The following EMID1 variants were observed in gnomAD, a reference collection of about 807,000 sequenced individuals.
EMID1 encodes the protein EMI domain-containing protein 1.
A neutral mutation model predicts 60.6 loss-of-function variants in EMID1; 40 were observed. The ratio of observed to expected loss-of-function variants is 0.66; its 90% CI spans 0.51 to 0.86. EMID1 has a LOEUF of 0.86. Ranked by LOEUF, EMID1 falls within the 40% of genes least tolerant of loss-of-function variation. The pLI, the probability that EMID1 is intolerant of heterozygous loss-of-function variation, is 0.00. For synonymous variants in EMID1, 242 were observed against 231.0 expected (o/e 1.05, Z -0.43); for missense variants, 585 against 597.1 (o/e 0.98, Z 0.21).
At position 29,256,428 on chromosome 22, in the gene EMID1, T is replaced by C. The variant is rs531167417; in HGVS notation, c.1204+2141T>C. ...GCAGTGAGCCGAGACCGCACCACTG[T>C]ACTCCAGCCTGGGTGACAGAGCGAG... is the stretch of plus-strand genomic sequence containing the variant. On this transcript the variant is annotated intron_variant, in intron 14 of 14. Transcript: ENST00000334018. 2.4e-4 allele frequency among the ~76,000 whole-genome samples: 34 copies of C among 141,618 alleles called. 2 individuals are homozygous for C. In the South Asian group the frequency reaches 6.9e-3, roughly 29 times the overall value. 92.9% of individuals were successfully genotyped at this position (141,618 alleles called of 152,430 possible).
chr22:29,244,629 A>C (rs1415335473), intron 13 of EMID1, among the ~76,000 whole-genome samples: 1 of 148,292 alleles, frequency 6.7e-6, no homozygotes, highest in Non-Finnish European at 1.5e-5. Flanking sequence ...ACGGAACGAG[A>C]CTCTGTCTCA....
At chr22:29,250,255 C>T (rs186163061) in intron 13 of EMID1, among the ~76,000 whole-genome samples, 1 of 152,308 alleles carries the variant, frequency 6.6e-6, no homozygotes, top group African/African-American at 2.4e-5. Flanking sequence ...GACCTTGTCT[C>T]AATCAATCAA....
intron 3 of EMID1, among the ~76,000 whole-genome samples, chr22:29,219,018 T>C (rs1313041004): frequency 6.6e-6 from 1 of 152,176 alleles, no homozygotes; most frequent in Non-Finnish European, 1.5e-5. Context: ...TCCTCCGTGC[T>C]GGGCGCTGCA....
At chr22:29,247,527 T>C (rs1000530894) in intron 13 of EMID1, among the ~76,000 whole-genome samples, 13 of 152,260 alleles carry the variant, frequency 8.5e-5, no homozygotes, top group African/African-American at 2.9e-4. Flanking sequence ...AACAGCACGT[T>C]ACTACGCTAA....
intron 3 of EMID1, 71 bp from the exon 4 acceptor site, chr22:29,225,062 C>T: frequency 6.6e-7 from 1 of 1,510,842 alleles, no homozygotes; most frequent in Non-Finnish European, 9.1e-7. Context: ...GCTGGGGCTA[C>T]AGTGGTGGGC....
chr22:29,210,792 C>G lies in EMID1; in HGVS notation c.102-4134C>G, dbSNP rs530334104. Reference sequence around the variant, plus strand: ...TCTGGCCATTGTGGACCATCACAGGCCCACCTCTCCCGGCCTAGTCTGGGG... The same window carrying G: ...TCTGGCCATTGTGGACCATCACAGGGCCACCTCTCCCGGCCTAGTCTGGGG... On this transcript the variant is annotated intron_variant, in intron 1 of 14. Transcript: ENST00000334018. Among the ~76,000 whole-genome samples the G allele has an allele frequency of 5.3e-5, 8 of 152,332 alleles. No individual in the cohort carries two copies. The South Asian group carries it at 1.7e-3, about 32-fold the overall frequency.
chr22:29,219,838 TC>T (rs1474165690), intron 3 of EMID1, among the ~76,000 whole-genome samples: 1 of 152,284 alleles, frequency 6.6e-6, no homozygotes, highest in Middle Eastern at 3.4e-3. Context: ...CCCAGGCCCT[TC>T]CTGTGCTCCT....
At position 29,234,319 on chromosome 22, in the gene EMID1, G is replaced by A. The variant is rs767787973; in HGVS notation, c.1044G>A (p.Glu348=). The A allele has an allele frequency of 1.2e-6, 2 of 1,614,130 alleles. No individual in the cohort carries two copies. Among genetic ancestry groups the A allele is most frequent in the East Asian group, 2.2e-5 (1 of 44,892 alleles). ...CTCTTACACAGGGACTGCGTGGGGA[G>A]CCTGGCCCCCAAGGCTCTGCTGGGC... The part of the protein sequence containing the change: ...GEKGERGLRG[E]PGPQGSAGQR... The change falls in exon 12 of 15, where the codon GAG becomes GAA. Residue 348 remains glutamate (E), a synonymous_variant. Coordinates refer to ENST00000334018, the MANE Select transcript of EMID1 (RefSeq NM_133455.4).
In EMID1 at chr22:29,259,095, C is replaced by A; in HGVS notation, c.*151C>A. On this transcript the variant is annotated 3_prime_UTR_variant, in exon 15 of 15. Transcript: ENST00000334018. ...CCTTAGGGGTAAGCAGGTCTCAGTC[C>A]TGGCACCATGCACATGTCTGAGGCT... 2 of 1,216,240 alleles carry A rather than the reference C, an allele frequency of 1.6e-6. No individual in the cohort carries two copies. Among genetic ancestry groups the A allele is most frequent in the Non-Finnish European group, 2.2e-6 (2 of 889,566 alleles). The allele number at this position is 1,216,240 out of a possible 1,614,324, so 75.3% of individuals were successfully genotyped here.
In EMID1 at chr22:29,209,129, T is replaced by C. The variant is rs150545842; in HGVS notation, c.101+2990T>C. On this transcript the variant is annotated intron_variant, in intron 1 of 14. Transcript: ENST00000334018. ...GCCCCGGGCCCGCTTGGCTGCCTCC[T>C]GCAATTAGCCCCTATCACTGTTCCG... 4.1e-3 allele frequency among the ~76,000 whole-genome samples: 630 copies of C among 152,246 alleles called. 4 individuals carry two copies. Among genetic ancestry groups the C allele is most frequent in the African/African-American group, 0.015 (604 of 41,564 alleles).
At chr22:29,253,785 A>C (rs1220830474) in intron 13 of EMID1, 1 of 369,872 alleles carries the variant, frequency 2.7e-6, no homozygotes, top group Non-Finnish European at 3.7e-6. Flanking sequence ...GAAGTAAATA[A>C]GCATATAGGT....
At chr22:29,243,321 C>G (rs2041218165) in intron 12 of EMID1, 124 bp from the exon 13 acceptor site, 2 of 962,044 alleles carry the variant, frequency 2.1e-6, no homozygotes. Flanking sequence ...GTATCCAATA[C>G]AAGCTACTTT....
intron 3 of EMID1, among the ~76,000 whole-genome samples, chr22:29,222,699 T>C (rs894397702): frequency 9.2e-5 from 14 of 152,204 alleles, no homozygotes; most frequent in African/African-American, 3.4e-4. Flanking sequence ...CCACTGTGCC[T>C]GGCCTATGTT....
intron 5 of EMID1, among the ~76,000 whole-genome samples, chr22:29,230,434 T>C (rs969061877): frequency 3.3e-5 from 5 of 152,094 alleles, no homozygotes; most frequent in Non-Finnish European, 7.3e-5. Context: ...TGGATAACCA[T>C]AGAGAAAAAG....
At chr22:29,212,731 T>C (rs2039937345) in intron 1 of EMID1, among the ~76,000 whole-genome samples, 1 of 151,256 alleles carries the variant, frequency 6.6e-6, no homozygotes, top group South Asian at 2.1e-4. Context: ...ACCCGGCTAA[T>C]TTTTTGTATT....
intron 3 of EMID1, among the ~76,000 whole-genome samples, chr22:29,222,870 T>TC (rs796956110): frequency 4.3e-4 from 66 of 152,202 alleles, no homozygotes; most frequent in African/African-American, 1.5e-3. Flanking sequence ...GGCGGGTGGA[T>TC]CACGAGGTCG....
intron 14 of EMID1, 63 bp downstream of exon 14, chr22:29,254,350 C>A: frequency 6.6e-7 from 1 of 1,506,136 alleles, no homozygotes; most frequent in South Asian, 1.1e-5. Context: ...TCCCCAAGCC[C>A]TCCTGGGGTG....
At chr22:29,244,319 C>T (rs974807076) in intron 13 of EMID1, among the ~76,000 whole-genome samples, 4 of 151,916 alleles carry the variant, frequency 2.6e-5, no homozygotes, top group Non-Finnish European at 5.9e-5. Flanking sequence ...TCCGGGATGC[C>T]GTGGCTCCTA....
intron 3 of EMID1, among the ~76,000 whole-genome samples, 176 bp downstream of exon 3, chr22:29,215,806 C>T (rs1332582285): frequency 5.9e-5 from 9 of 152,130 alleles, no homozygotes; most frequent in East Asian, 1.9e-4. Context: ...CTGCCCCCCA[C>T]GGTGACCGCT....
Sources: allele counts gnomAD v4.1 joint callset (sites outside exome capture counted in the v4.1 genomes callset), GRCh38; gene constraint gnomAD v4.1.1; transcripts MANE v1.5; gene names NCBI Gene and HGNC (gene_info 2026-07-23, HGNC 2026-07-21).